Variants in RAF1 observed in about 807,000 individuals in gnomAD.
The protein encoded by RAF1 is Raf-1 proto-oncogene, serine/threonine kinase.
RAF1 carries 27 observed loss-of-function variants against 81.1 expected under a neutral mutation model. The ratio of observed to expected loss-of-function variants is 0.33; its 90% CI spans 0.25 to 0.46. RAF1 has a LOEUF of 0.46. Among genes scored for constraint, RAF1 ranks in the 20% least tolerant of loss-of-function variants. The pLI is 1.00. For synonymous variants in RAF1, 298 were observed against 294.0 expected (o/e 1.01, Z -0.14); for missense variants, 598 against 826.0 (o/e 0.72, Z 3.38).
intron 15 of RAF1, 66 bp from the exon 15 acceptor site, chr3:12,585,319 G>C (rs2125323880): frequency 6.2e-7 from 1 of 1,605,534 alleles, no homozygotes; most frequent in Non-Finnish European, 8.5e-7. Context: ...AGACATCTAG[G>C]GGCCAGGCTG....
At chr3:12,618,426 A>G (rs2059443823) in intron 2 of RAF1, 89 bp downstream of exon 2, 1 of 1,355,040 alleles carries the variant, frequency 7.4e-7, no homozygotes. Context: ...GACAATGAAT[A>G]TTTTGCCTGT....
At chr3:12,625,087 T>C (rs2059664402) in intron 1 of RAF1, among the ~76,000 whole-genome samples, 1 of 151,966 alleles carries the variant, frequency 6.6e-6, no homozygotes, top group South Asian at 2.1e-4. Flanking sequence ...TTATTTTATT[T>C]TTATTTATTT....
chr3:12,607,268 C>CCCT (rs1420393039), intron 5 of RAF1, among the ~76,000 whole-genome samples: 1 of 152,036 alleles, frequency 6.6e-6, no homozygotes, highest in African/African-American at 2.4e-5. Flanking sequence ...AGGTAATATC[C>CCCT]CCTTTATTCA....
chr3:12,636,900 T>C (rs554030425), intron 1 of RAF1, among the ~76,000 whole-genome samples: 2 of 152,298 alleles, frequency 1.3e-5, no homozygotes, highest in South Asian at 2.1e-4. Context: ...CTGGAGACTA[T>C]ACTGAACACT....
At chr3:12,628,421 G>A (rs1575618400) in intron 1 of RAF1, among the ~76,000 whole-genome samples, 1 of 152,166 alleles carries the variant, frequency 6.6e-6, no homozygotes, top group Admixed American at 6.6e-5. Context: ...CAACTACTTG[G>A]GAGGCTGAAG....
At chr3:12,649,971 C>G (rs910078988) in intron 1 of RAF1, among the ~76,000 whole-genome samples, 1 of 151,808 alleles carries the variant, frequency 6.6e-6, no homozygotes, top group Non-Finnish European at 1.5e-5. Context: ...ATAGTGAAAC[C>G]CCATCTCTAC....
chr3:12,658,502 T>G (rs1484877228), intron 1 of RAF1, among the ~76,000 whole-genome samples: 1 of 152,090 alleles, frequency 6.6e-6, no homozygotes. Flanking sequence ...CTCAGGAGGC[T>G]GAGGCAGGAG....
intron 14 of RAF1, chr3:12,587,188 A>G: frequency 5.1e-6 from 1 of 197,564 alleles, no homozygotes; most frequent in Non-Finnish European, 1.0e-5. Context: ...GCTTGTAGCT[A>G]CTTGCTATCC....
At chr3:12,646,575 A>C (rs2060355422) in intron 1 of RAF1, among the ~76,000 whole-genome samples, 1 of 149,756 alleles carries the variant, frequency 6.7e-6, no homozygotes. Context: ...TTTTTGAGAC[A>C]GAGTCTCACA....
intron 1 of RAF1, among the ~76,000 whole-genome samples, chr3:12,645,111 A>AT: frequency 6.6e-6 from 1 of 151,824 alleles, no homozygotes; most frequent in East Asian, 1.9e-4. Flanking sequence ...AAAAAAAAAA[A>AT]AAAAAAAAAA....
At chr3:12,622,145 A>T (rs2059574540) in intron 1 of RAF1, among the ~76,000 whole-genome samples, 1 of 152,172 alleles carries the variant, frequency 6.6e-6, no homozygotes, top group African/African-American at 2.4e-5. Context: ...GTCCCTTTTT[A>T]GGAGTACATA....
Position 12,660,474 on chromosome 3 carries a change from T to A in RAF1, c.-27+3339A>T, listed in dbSNP as rs368908166. On this transcript the variant is annotated intron_variant, in intron 1 of 17. Transcript: ENST00000442415. ...CACCATACCCTGCTGATTTTTTTCT[T>A]TTTGTGTGTGTGTATTTTTTGTAGG... is the stretch of plus-strand genomic sequence containing the variant. 1.6e-4 allele frequency among the ~76,000 whole-genome samples: 25 copies of A among 152,138 alleles called. No individual in the cohort carries two copies. In the East Asian group the frequency reaches 4.5e-3, roughly 27 times the overall value.
Position 12,615,920 on chromosome 3 carries a change from G to A in RAF1, c.207+2595C>T, listed in dbSNP as rs532797185. Among the ~76,000 whole-genome samples, 42 of 152,106 alleles carry A rather than the reference G, an allele frequency of 2.8e-4. 1 individual carries two copies. In the South Asian group the frequency reaches 7.3e-3, roughly 26 times the overall value. On this transcript the variant is annotated intron_variant, in intron 2 of 17. Coordinates refer to ENST00000442415, the MANE Select transcript of RAF1 (RefSeq NM_001354689.3). Reference sequence around the variant, plus strand: ...AAACAAATTAGCCAGGCGTGGTGGCGGGTGCCTGCAATCCCAGCTACTTGG... The same window carrying A: ...AAACAAATTAGCCAGGCGTGGTGGCAGGTGCCTGCAATCCCAGCTACTTGG...
intron 5 of RAF1, among the ~76,000 whole-genome samples, chr3:12,607,062 T>C (rs1343958776): frequency 6.6e-6 from 1 of 152,190 alleles, no homozygotes; most frequent in African/African-American, 2.4e-5. Flanking sequence ...AACTACAGTA[T>C]AACATTTCAC....
chr3:12,612,622 C>A (rs1381551732), intron 2 of RAF1, among the ~76,000 whole-genome samples: 1 of 141,212 alleles, frequency 7.1e-6, no homozygotes, highest in East Asian at 2.0e-4. Context: ...GCACTCCAGC[C>A]TGGGTGACAA....
intron 1 of RAF1, among the ~76,000 whole-genome samples, chr3:12,638,620 T>G (rs1382118701): frequency 1.3e-5 from 2 of 152,258 alleles, no homozygotes; most frequent in Non-Finnish European, 2.9e-5. Flanking sequence ...ACCAAATACA[T>G]TCTTGTTCAT....
intron 1 of RAF1, among the ~76,000 whole-genome samples, chr3:12,645,482 T>C (rs1333630427): frequency 1.3e-5 from 2 of 152,230 alleles, no homozygotes; most frequent in Admixed American, 6.5e-5. Context: ...CTTTCCATTA[T>C]AATACACTGA....
Position 12,611,941 on chromosome 3 carries a change from A to G in RAF1, c.320+9T>C. 10 of 1,610,216 alleles carry G rather than the reference A, an allele frequency of 6.2e-6. No individual in the cohort carries two copies. Among genetic ancestry groups the G allele is most frequent in the South Asian group, 1.1e-5 (1 of 90,978 alleles). ...GTCTGAAGAAGTCAATTGACTTTTG[A>G]GCTCTTACCCTTTGTGTTCGTGGAG... On this transcript the variant is annotated intron_variant, in intron 3 of 17. Transcript: ENST00000442415.
At chr3:12,635,779 C>T (rs1200085098) in intron 1 of RAF1, among the ~76,000 whole-genome samples, 3 of 150,842 alleles carry the variant, frequency 2.0e-5, no homozygotes, top group Non-Finnish European at 4.4e-5. Context: ...TGAGACCATC[C>T]TGGCTAACAC....
Sources: gnomAD v4.1 joint callset for allele counts (sites outside exome capture counted in the v4.1 genomes callset) on GRCh38, gnomAD v4.1.1 for gene constraint, MANE v1.5 for transcripts, NCBI Gene and HGNC (gene_info 2026-07-23, HGNC 2026-07-21) for gene names.